Variants in POLK observed in about 807,000 individuals in gnomAD.
POLK encodes the protein DNA polymerase kappa.
Under a neutral mutation model 94.0 loss-of-function variants are expected in POLK, and 76 were observed. The observed-to-expected ratio is 0.81, with a 90% CI of 0.67 to 0.98. The LOEUF (loss-of-function observed/expected upper bound fraction) is 0.98, where lower values mean the gene tolerates loss of function less well. Among genes scored for constraint, POLK ranks in the 50% least tolerant of loss-of-function variants. The probability of loss-of-function intolerance (pLI) is 0.00; values close to 1 mark genes in which losing one functional copy is unlikely to be tolerated. For synonymous variants in POLK, 349 were observed against 325.4 expected, an observed-to-expected ratio of 1.07 and a Z score of -0.78; for missense variants, 954 against 1,010.1, an observed-to-expected ratio of 0.94 and a Z score of 0.75.
chr5:75,607,809 C>T, the POLK span, among the ~76,000 whole-genome samples: 4 of 152,252 alleles, frequency 2.6e-5, no homozygotes, highest in East Asian at 1.9e-4. Context: ...TGATAAAGGA[C>T]ATAAAGATTA....
chr5:75,512,017 A>G (rs1278466940), intron 1 of POLK, 103 bp downstream of exon 1: 9 of 535,402 alleles, frequency 1.7e-5, no homozygotes, highest in Non-Finnish European at 2.7e-5. Flanking sequence ...CCTCGCTTCT[A>G]TCCTTGCCTT....
At chr5:75,559,042 A>G (rs558317130) in intron 3 of POLK, among the ~76,000 whole-genome samples, 1 of 152,282 alleles carries the variant, frequency 6.6e-6, no homozygotes, top group South Asian at 2.1e-4. Flanking sequence ...AATGGCAGGA[A>G]ACGTGTTTTA....
At chr5:75,566,445 GCC>G (rs1169496047) in intron 3 of POLK, among the ~76,000 whole-genome samples, 1 of 152,204 alleles carries the variant, frequency 6.6e-6, no homozygotes, top group East Asian at 1.9e-4. Context: ...CTCAGTGTCT[GCC>G]CAAATGGCCG....
chr5:75,545,661 G>GTT (rs200217837), intron 1 of POLK, among the ~76,000 whole-genome samples: 1 of 151,144 alleles, frequency 6.6e-6, no homozygotes, highest in African/African-American at 2.4e-5. Flanking sequence ...AACTTTCTAG[G>GTT]TTTTTTTTTC....
intron 1 of POLK, among the ~76,000 whole-genome samples, chr5:75,518,250 G>A (rs2112526236): frequency 6.6e-6 from 1 of 152,286 alleles, no homozygotes; most frequent in Non-Finnish European, 1.5e-5. Flanking sequence ...GAATTCAGCA[G>A]TGAAGCCATC....
chr5:75,586,975 T>TA (rs756139563), intron 9 of POLK, 51 bp from the exon 10 acceptor site: 132 of 1,347,478 alleles, frequency 9.8e-5, no homozygotes, highest in South Asian at 1.4e-4. Context: ...CTTGGTTAAC[T>TA]AAAAAAAACT....
At chr5:75,551,620 T>C (rs931928534) in intron 2 of POLK, among the ~76,000 whole-genome samples, 2 of 152,162 alleles carry the variant, frequency 1.3e-5, no homozygotes, top group Non-Finnish European at 2.9e-5. Flanking sequence ...ATGCTCAATA[T>C]TATTAGTCAT....
At chr5:75,525,701 C>G in intron 1 of POLK, among the ~76,000 whole-genome samples, 1 of 152,006 alleles carries the variant, frequency 6.6e-6, no homozygotes, top group South Asian at 2.1e-4. Context: ...ATGGCCTTAG[C>G]AGAAATAATG....
intron 11 of POLK, among the ~76,000 whole-genome samples, chr5:75,593,471 T>A (rs1455805017): frequency 6.6e-6 from 1 of 152,240 alleles, no homozygotes; most frequent in East Asian, 1.9e-4. Context: ...TAATTGGTTA[T>A]AATTCCATAT....
At chr5:75,552,781 A>G (rs551473644) in intron 3 of POLK, among the ~76,000 whole-genome samples, 190 bp downstream of exon 3, 2 of 152,334 alleles carry the variant, frequency 1.3e-5, no homozygotes, top group Admixed American at 1.3e-4. Flanking sequence ...TAAAGACTCC[A>G]CACATAGACA....
At chr5:75,577,586 C>T (rs1771961833) in intron 6 of POLK, among the ~76,000 whole-genome samples, 1 of 152,122 alleles carries the variant, frequency 6.6e-6, no homozygotes, top group African/African-American at 2.4e-5. Context: ...ATGTCCTGGA[C>T]CCCTGAACAA....
chr5:75,514,572 C>T (rs1185588987), intron 1 of POLK, among the ~76,000 whole-genome samples: 1 of 152,218 alleles, frequency 6.6e-6, no homozygotes, highest in Admixed American at 6.5e-5. Context: ...ATTATTCTTA[C>T]TTTACATATG....
chr5:75,540,117 T>G (rs993826084), intron 1 of POLK, among the ~76,000 whole-genome samples: 1 of 152,160 alleles, frequency 6.6e-6, no homozygotes, highest in Non-Finnish European at 1.5e-5. Context: ...ATTGAAAGGA[T>G]CATTTTTCCA....
chr5:75,576,643 T>G (rs888057274), intron 5 of POLK, 137 bp from the exon 6 acceptor site: 6 of 422,378 alleles, frequency 1.4e-5, no homozygotes, highest in Non-Finnish European at 2.6e-5. Flanking sequence ...ATTTATTCCT[T>G]AAATCCATGA....
chr5:75,575,623 A>G (rs146244150), intron 5 of POLK, among the ~76,000 whole-genome samples: 23 of 152,320 alleles, frequency 1.5e-4, no homozygotes, highest in Non-Finnish European at 1.3e-4. Flanking sequence ...CTTCTCATTC[A>G]GAATCTTAGT....
At chr5:75,592,036 G>A (rs963039664) in intron 11 of POLK, among the ~76,000 whole-genome samples, 2 of 152,154 alleles carry the variant, frequency 1.3e-5, no homozygotes, top group Non-Finnish European at 2.9e-5. Flanking sequence ...AGAGAGAGCA[G>A]GAATTAACTT....
chr5:75,538,820 G>T (rs1405794666), intron 1 of POLK, among the ~76,000 whole-genome samples: 8 of 151,938 alleles, frequency 5.3e-5, no homozygotes, highest in Admixed American at 5.2e-4. Context: ...GCCTAGGCTG[G>T]AATGTAGCGG....
At chr5:75,532,433 A>G (rs1769226708) in intron 1 of POLK, among the ~76,000 whole-genome samples, 1 of 150,588 alleles carries the variant, frequency 6.6e-6, no homozygotes, top group Non-Finnish European at 1.5e-5. Context: ...ATGGCTATAT[A>G]GTATTCCTTT....
chr5:75,609,969 TAAATG>T, the POLK span: 1 of 152,194 alleles, frequency 6.6e-6, no homozygotes. Flanking sequence ...GAAGAATAAA[TAAATG>T]AAAACCTGAT....
Sources: allele counts gnomAD v4.1 joint callset (sites outside exome capture counted in the v4.1 genomes callset), GRCh38; gene constraint gnomAD v4.1.1; transcripts MANE v1.5; gene names NCBI Gene and HGNC (gene_info 2026-07-23, HGNC 2026-07-21).